The following TM9SF4 variants were observed in gnomAD, a reference collection of about 807,000 sequenced individuals.
TM9SF4 encodes dinucleotide oxidase disulfide thiol exchanger 3 superfamily member 4.
A neutral mutation model predicts 90.4 loss-of-function variants in TM9SF4; 26 were observed. The observed-to-expected ratio is 0.29, with a 90% CI of 0.21 to 0.40. The LOEUF is 0.40. Among genes scored for constraint, TM9SF4 ranks in the 10% least tolerant of loss-of-function variants. The pLI, the probability that TM9SF4 is intolerant of heterozygous loss-of-function variation, is 1.00. For missense variants in TM9SF4, 549 were observed against 834.8 expected, an observed-to-expected ratio of 0.66 and a Z score of 4.22; for synonymous variants, 293 against 315.4, an observed-to-expected ratio of 0.93 and a Z score of 0.75.
intron 1 of TM9SF4, 21 bp downstream of exon 1, chr20:32,109,776 G>C: frequency 1.9e-6 from 3 of 1,551,434 alleles, no homozygotes; most frequent in Non-Finnish European, 1.7e-6. Context: ...GAGACTCCGG[G>C]AGCGGGAGCT....
intron 1 of TM9SF4, among the ~76,000 whole-genome samples, chr20:32,123,866 A>ATATATATATTTTTTTTT: frequency 5.0e-4 from 47 of 93,950 alleles, no homozygotes; most frequent in African/African-American, 1.5e-3. Flanking sequence ...ATATATATAT[A>ATATATATATTTTTTTTT]TTTTTTTTTT....
chr20:32,129,597 A>G (rs979848885), intron 1 of TM9SF4, among the ~76,000 whole-genome samples: 1 of 139,656 alleles, frequency 7.2e-6, no homozygotes, highest in South Asian at 2.3e-4. Context: ...TAAGTAGTGA[A>G]TTTTTTTTTT....
At chr20:32,157,240 A>G (rs1409619196) in intron 13 of TM9SF4, among the ~76,000 whole-genome samples, 1 of 152,164 alleles carries the variant, frequency 6.6e-6, no homozygotes, top group Non-Finnish European at 1.5e-5. Context: ...GGCATGAGCC[A>G]CTGCTCCCGG....
intron 12 of TM9SF4, among the ~76,000 whole-genome samples, chr20:32,153,599 C>T (rs536907157): frequency 6.6e-6 from 1 of 152,170 alleles, no homozygotes; most frequent in East Asian, 1.9e-4. Context: ...AAATAAATTA[C>T]TTGGATGTGG....
chr20:32,121,837 C>T (rs1179408522), intron 1 of TM9SF4, among the ~76,000 whole-genome samples: 1 of 148,710 alleles, frequency 6.7e-6, no homozygotes, highest in African/African-American at 2.5e-5. Context: ...GGGGGCTGAA[C>T]CCCCCACCTC....
chr20:32,156,205 T>A (rs1424939618), intron 13 of TM9SF4, among the ~76,000 whole-genome samples: 1 of 152,256 alleles, frequency 6.6e-6, no homozygotes, highest in East Asian at 1.9e-4. Flanking sequence ...GCTTGCTTTG[T>A]AGTAATACTG....
intron 9 of TM9SF4, 127 bp downstream of exon 9, chr20:32,146,982 C>CA: frequency 1.2e-5 from 7 of 584,740 alleles, no homozygotes; most frequent in Non-Finnish European, 1.9e-5. Context: ...GTTTAGTATA[C>CA]TTTTTTTTTT....
chr20:32,161,805 C>T (rs999143595), intron 17 of TM9SF4, among the ~76,000 whole-genome samples: 1 of 152,126 alleles, frequency 6.6e-6, no homozygotes, highest in Non-Finnish European at 1.5e-5. Context: ...AATAGTAGAA[C>T]CCAAATTTAG....
intron 9 of TM9SF4, among the ~76,000 whole-genome samples, chr20:32,147,761 G>A (rs2046784024): frequency 6.6e-6 from 1 of 151,708 alleles, no homozygotes; most frequent in South Asian, 2.1e-4. Flanking sequence ...GCTGAGGCAG[G>A]AGAATCACTT....
intron 13 of TM9SF4, among the ~76,000 whole-genome samples, chr20:32,155,587 A>G (rs2046907446): frequency 6.6e-6 from 1 of 152,096 alleles, no homozygotes; most frequent in South Asian, 2.1e-4. Flanking sequence ...CAGGTGGAGG[A>G]GAGAGGAAAG....
chr20:32,112,487 G>A (rs2046157989), intron 1 of TM9SF4, among the ~76,000 whole-genome samples: 1 of 152,068 alleles, frequency 6.6e-6, no homozygotes, highest in Admixed American at 6.5e-5. Flanking sequence ...CTTGAGGCCA[G>A]GAGTTCAACA....
chr20:32,136,242 A>T, intron 3 of TM9SF4, 69 bp downstream of exon 3: 1 of 1,418,636 alleles, frequency 7.0e-7, no homozygotes, highest in Non-Finnish European at 9.9e-7. Flanking sequence ...TTATAATGAT[A>T]ACAACAGTTA....
At chr20:32,160,249 C>A in intron 16 of TM9SF4, 138 bp downstream of exon 16, 2 of 1,251,382 alleles carry the variant, frequency 1.6e-6, no homozygotes, top group Non-Finnish European at 2.2e-6. Context: ...TGGGCCAGTA[C>A]GTTGCTGTGC....
chr20:32,118,483 C>G (rs1011433481), intron 1 of TM9SF4, among the ~76,000 whole-genome samples: 2 of 139,752 alleles, frequency 1.4e-5, no homozygotes, highest in Non-Finnish European at 3.1e-5. Context: ...GGTTGGAGTG[C>G]AGTGGTGGAA....
chr20:32,130,703 C>G (rs2046497668), intron 1 of TM9SF4, among the ~76,000 whole-genome samples: 1 of 152,184 alleles, frequency 6.6e-6, no homozygotes, highest in Non-Finnish European at 1.5e-5. Context: ...CTATGAAACC[C>G]TCCCCTTTGT....
intron 1 of TM9SF4, among the ~76,000 whole-genome samples, chr20:32,127,559 G>C (rs1199532784): frequency 1.3e-5 from 2 of 152,200 alleles, no homozygotes; most frequent in African/African-American, 4.8e-5. Flanking sequence ...TTGTGCTTAG[G>C]AGGTGCTCAG....
At chr20:32,145,518 A>C (rs965967062) in intron 8 of TM9SF4, 95 bp downstream of exon 8, 1 of 1,121,696 alleles carries the variant, frequency 8.9e-7, no homozygotes. Context: ...GGGTGTTCTG[A>C]GGGTCAGGCG....
intron 8 of TM9SF4, 77 bp downstream of exon 8, chr20:32,145,500 G>A: frequency 7.6e-7 from 1 of 1,308,918 alleles, no homozygotes; most frequent in Non-Finnish European, 1.1e-6. Context: ...ATGTATGGGG[G>A]ACTTCCAGGG....
Position 32,141,386 on chromosome 20 carries a change from G to A in TM9SF4, c.230-111G>A, listed in dbSNP as rs370733897. The A allele has an allele frequency of 1.9e-5, 25 of 1,323,810 alleles. No homozygotes were observed. The East Asian group carries it at 4.2e-4, about 22-fold the overall frequency. The allele number at this position is 1,323,810 out of a possible 1,614,324, so 82.0% of individuals were successfully genotyped here. A position where few individuals can be genotyped will look rare whatever the true frequency, so the allele number is the denominator to read the frequency against. On this transcript the variant is annotated intron_variant, in intron 3 of 17. Coordinates refer to ENST00000398022, the MANE Select transcript of TM9SF4 (RefSeq NM_014742.4). ...TTGGCTGCCAGGCTGAGGCACTGCT[G>A]AAGTCCTTGAAAGCCCATGTTTGCC...
Sources: gnomAD v4.1 joint callset for allele counts (sites outside exome capture counted in the v4.1 genomes callset) on GRCh38, gnomAD v4.1.1 for gene constraint, MANE v1.5 for transcripts, NCBI Gene and HGNC (gene_info 2026-07-23, HGNC 2026-07-21) for gene names.